Variants in TYR observed in about 807,000 individuals in gnomAD.
TYR encodes the protein tyrosinase, also known as LB24-AB.
TYR carries 58 observed loss-of-function variants against 51.5 expected under a neutral mutation model. The ratio of observed to expected loss-of-function variants is 1.13; its 90% confidence interval spans 0.91 to 1.40. TYR has a LOEUF of 1.40. TYR is among the 40% of genes most tolerant of loss of function. The probability of loss-of-function intolerance (pLI) is 0.00; values close to 1 mark genes in which losing one functional copy is unlikely to be tolerated. For synonymous variants in TYR, 263 were observed against 235.2 expected (o/e 1.12, Z -1.08); for missense variants, 732 against 647.4 (o/e 1.13, Z -1.42).
At position 89,226,754 on chromosome 11, in the gene TYR, G is replaced by A. The variant is rs147398501; in HGVS notation, c.1037-1069G>A. Among the ~76,000 whole-genome samples, 604 of 152,160 alleles carry A rather than the reference G, an allele frequency of 4.0e-3. 5 individuals carry two copies. Among genetic ancestry groups the A allele is most frequent in the African/African-American group, 0.014 (575 of 41,532 alleles). ...AATCCTGTCTTTTTTCACTGTTTCT[G>A]TTGTAACTCTGGTTTACATTATGAT... On this transcript the variant is annotated intron_variant, in intron 2 of 4. Transcript: ENST00000263321.
intron 3 of TYR, among the ~76,000 whole-genome samples, chr11:89,276,805 T>C (rs1362615740): frequency 6.6e-6 from 1 of 151,802 alleles, no homozygotes; most frequent in Non-Finnish European, 1.5e-5. Context: ...AACACCCCTG[T>C]CATCCTGTGT....
chr11:89,212,308 C>A (rs893436689), intron 2 of TYR, among the ~76,000 whole-genome samples: 1 of 152,062 alleles, frequency 6.6e-6, no homozygotes, highest in African/African-American at 2.4e-5. Flanking sequence ...ACTATAAACA[C>A]CTCTATGCAA....
intron 2 of TYR, among the ~76,000 whole-genome samples, chr11:89,202,774 GTAA>G (rs1219791607): frequency 4.6e-5 from 7 of 151,986 alleles, no homozygotes; most frequent in Admixed American, 1.3e-4. Context: ...TTCTTAAGAT[GTAA>G]TAATTAATGG....
At chr11:89,209,558 G>A (rs1458494323) in intron 2 of TYR, among the ~76,000 whole-genome samples, 2 of 152,190 alleles carry the variant, frequency 1.3e-5, no homozygotes, top group African/African-American at 4.8e-5. Flanking sequence ...GCATCAGACA[G>A]CTTATGCAGA....
intron 3 of TYR, among the ~76,000 whole-genome samples, chr11:89,249,409 A>T (rs1485456292): frequency 2.8e-5 from 4 of 143,822 alleles, no homozygotes; most frequent in African/African-American, 1.0e-4. Context: ...AAGAAGACAG[A>T]GGGTCATTGA....
chr11:89,178,802 G>A lies in TYR; in HGVS notation c.819+30G>A, dbSNP rs553415682. On this transcript the variant is annotated intron_variant, in intron 1 of 4. Transcript: ENST00000263321. ...GATATGCTAGATATACGATGTCAGA[G>A]TAGGGAGGAACCTTAACAATCACTT... 9 of 1,609,398 alleles carry A rather than the reference G, an allele frequency of 5.6e-6. No individual in the cohort carries two copies. In the African/African-American group the frequency reaches 6.7e-5, roughly 12 times the overall value.
At chr11:89,219,581 G>A (rs1462571947) in intron 2 of TYR, among the ~76,000 whole-genome samples, 2 of 152,102 alleles carry the variant, frequency 1.3e-5, no homozygotes, top group Non-Finnish European at 2.9e-5. Context: ...GACCCACTGT[G>A]CCCGGCCTGA....
At chr11:89,287,938 T>C (rs148476224) in intron 4 of TYR, among the ~76,000 whole-genome samples, 3 of 152,010 alleles carry the variant, frequency 2.0e-5, no homozygotes, top group African/African-American at 4.8e-5. Flanking sequence ...ACTTGGAAAA[T>C]TATTTATATA....
intron 3 of TYR, among the ~76,000 whole-genome samples, chr11:89,277,011 C>G (rs1455249225): frequency 1.3e-5 from 2 of 151,690 alleles, no homozygotes; most frequent in Non-Finnish European, 2.9e-5. Context: ...TTTATATTGT[C>G]TCATTTTATC....
intron 3 of TYR, among the ~76,000 whole-genome samples, chr11:89,276,586 G>A (rs544060831): frequency 1.8e-4 from 28 of 151,604 alleles, no homozygotes; most frequent in African/African-American, 6.8e-4. Flanking sequence ...ATCTTGTAAT[G>A]TATTCATTGC....
chr11:89,188,028 T>C (rs989031644), intron 1 of TYR, among the ~76,000 whole-genome samples: 11 of 150,630 alleles, frequency 7.3e-5, no homozygotes, highest in Non-Finnish European at 1.0e-4. Flanking sequence ...GGTGAGACAG[T>C]AAAACATTAT....
chr11:89,213,785 C>T (rs1057488309), intron 2 of TYR, among the ~76,000 whole-genome samples: 18 of 152,120 alleles, frequency 1.2e-4, no homozygotes, highest in African/African-American at 4.3e-4. Flanking sequence ...AGAAATAACA[C>T]CACACATCTA....
At chr11:89,181,267 C>T (rs2135244691) in intron 1 of TYR, among the ~76,000 whole-genome samples, 1 of 152,300 alleles carries the variant, frequency 6.6e-6, no homozygotes, top group East Asian at 1.9e-4. Context: ...CTGTCCGCCT[C>T]AGACTCCCAA....
At chr11:89,179,452 T>C (rs1302622330) in intron 1 of TYR, among the ~76,000 whole-genome samples, 1 of 152,206 alleles carries the variant, frequency 6.6e-6, no homozygotes, top group East Asian at 1.9e-4. Context: ...GCAAGTGTTT[T>C]TGTGCATTCG....
Position 89,295,225 on chromosome 11 carries a change from G to T in TYR, c.1449G>T (p.Met483Ile). Residue 483 changes from methionine to isoleucine, a missense_variant, in exon 5 of 5, where the codon ATG (methionine) becomes ATT (isoleucine). Transcript: ENST00000263321. ...GGTCATGGCTCCTTGGGGCGGCGAT[G>T]GTAGGGGCCGTCCTCACTGCCCTGC... ...RIWSWLLGAA[M>I]VGAVLTALLA... is the part of the protein sequence containing the mutation. The T allele has an allele frequency of 6.2e-7, 1 of 1,614,020 alleles. No individual in the cohort carries two copies. Among genetic ancestry groups the T allele is most frequent in the Non-Finnish European group, 8.5e-7 (1 of 1,179,878 alleles).
At chr11:89,294,616 C>T (rs576826581) in intron 4 of TYR, among the ~76,000 whole-genome samples, 6 of 152,304 alleles carry the variant, frequency 3.9e-5, no homozygotes, top group African/African-American at 9.6e-5. Flanking sequence ...GGTGCCCATG[C>T]GCCAAAATCT....
At chr11:89,252,354 C>T (rs1200064381) in intron 3 of TYR, among the ~76,000 whole-genome samples, 1 of 151,616 alleles carries the variant, frequency 6.6e-6, no homozygotes. Context: ...TGTACCTTAC[C>T]TTGGCTGTTG....
At chr11:89,225,884 T>C (rs1943969553) in intron 2 of TYR, among the ~76,000 whole-genome samples, 2 of 151,986 alleles carry the variant, frequency 1.3e-5, no homozygotes, top group African/African-American at 2.4e-5. Flanking sequence ...AGATAAATGA[T>C]CGAGGTGATT....
chr11:89,182,538 T>A (rs1275113193), intron 1 of TYR, among the ~76,000 whole-genome samples: 1 of 152,150 alleles, frequency 6.6e-6, no homozygotes, highest in Non-Finnish European at 1.5e-5. Context: ...CATAGCTGAG[T>A]GTGATTTAAA....
Sources: gnomAD v4.1 joint callset for allele counts (sites outside exome capture counted in the v4.1 genomes callset) on GRCh38, gnomAD v4.1.1 for gene constraint, MANE v1.5 for transcripts, NCBI Gene and HGNC (gene_info 2026-07-23, HGNC 2026-07-21) for gene names.